The following IFT88 variants were observed in gnomAD, a reference collection of about 807,000 sequenced individuals.
IFT88 encodes intraflagellar transport protein 88 homolog.
In IFT88, 74 loss-of-function variants were observed where a neutral mutation model predicts 119.5. The observed-to-expected ratio is 0.62, with a 90% CI of 0.51 to 0.75. The LOEUF is 0.75. Among genes scored for constraint, IFT88 ranks in the 30% least tolerant of loss-of-function variants. IFT88 has a pLI of 0.00. For missense variants in IFT88, 961 were observed against 977.7 expected, an observed-to-expected ratio of 0.98 and a Z score of 0.23; for synonymous variants, 279 against 316.7, an observed-to-expected ratio of 0.88 and a Z score of 1.26.
chr13:20,672,184 T>G (rs1026239355), intron 24 of IFT88, among the ~76,000 whole-genome samples: 5 of 151,776 alleles, frequency 3.3e-5, no homozygotes, highest in Non-Finnish European at 7.4e-5. Flanking sequence ...ATTCAAGGAG[T>G]CTTCGTCCCA....
At chr13:20,573,319 C>T (rs963843177) in intron 1 of IFT88, among the ~76,000 whole-genome samples, 1 of 151,876 alleles carries the variant, frequency 6.6e-6, no homozygotes, top group African/African-American at 2.4e-5. Flanking sequence ...TCAGCCCACT[C>T]CCTGCCCCAC....
Position 20,614,166 on chromosome 13 carries a change from C to T in IFT88, c.1113-1627C>T, listed in dbSNP as rs572520683. ...GAAATATGTTTTTAAAATTACACGC[C>T]ATGACCAAGTAGGATTAATTCGAAG... On this transcript the variant is annotated intron_variant, in intron 13 of 25. Coordinates refer to ENST00000351808, the MANE Select transcript of IFT88 (RefSeq NM_006531.5). Among the ~76,000 whole-genome samples, 61 of 152,232 alleles carry T rather than the reference C, an allele frequency of 4.0e-4. No homozygotes were observed. In the South Asian group the frequency reaches 0.013, roughly 32 times the overall value.
chr13:20,625,741 C>T lies in IFT88; in HGVS notation c.1200-9C>T. ...AATCAAGTAAGGTTTTTTATGCTTTCCCTTATAGGTGCGTGGAAGTGGTGA... is the reference window on the plus strand; with the variant it reads ...AATCAAGTAAGGTTTTTTATGCTTTTCCTTATAGGTGCGTGGAAGTGGTGA... On this transcript the variant is annotated splice_polypyrimidine_tract_variant and intron_variant, in intron 14 of 25. Transcript: ENST00000351808. 6.4e-7 allele frequency: 1 copy of T among 1,568,388 alleles called. No homozygotes were observed. The highest frequency in any genetic ancestry group is 8.7e-7 in the Non-Finnish European group (1 of 1,154,328).
At chr13:20,613,611 A>G (rs1246148780) in intron 13 of IFT88, among the ~76,000 whole-genome samples, 4 of 152,184 alleles carry the variant, frequency 2.6e-5, no homozygotes, top group Non-Finnish European at 5.9e-5. Flanking sequence ...ATATGTCCAC[A>G]TGACAACTTG....
At chr13:20,665,300 A>G (rs142619897) in intron 23 of IFT88, among the ~76,000 whole-genome samples, 7 of 152,312 alleles carry the variant, frequency 4.6e-5, no homozygotes, top group Non-Finnish European at 8.8e-5. Flanking sequence ...CAAAATTAAT[A>G]TATCATTGGT....
chr13:20,625,675 C>A, intron 14 of IFT88, 75 bp from the exon 15 acceptor site: 4 of 986,280 alleles, frequency 4.1e-6, no homozygotes, highest in Non-Finnish European at 6.1e-6. Context: ...CTTTGAAAAG[C>A]CACATTTAAG....
At chr13:20,642,279 C>G (rs2050068988) in intron 18 of IFT88, 2 of 152,104 alleles carry the variant, frequency 1.3e-5, no homozygotes, top group African/African-American at 2.4e-5. Context: ...GTACTATCTG[C>G]TGTACTTTTG....
chr13:20,608,411 C>A (rs1215000720), intron 13 of IFT88, among the ~76,000 whole-genome samples: 1 of 152,178 alleles, frequency 6.6e-6, no homozygotes, highest in Non-Finnish European at 1.5e-5. Flanking sequence ...AGACTGTCAT[C>A]TGAGGGCCGG....
intron 13 of IFT88, among the ~76,000 whole-genome samples, chr13:20,615,018 T>C (rs1218593385): frequency 6.6e-6 from 1 of 152,132 alleles, no homozygotes; most frequent in Non-Finnish European, 1.5e-5. Flanking sequence ...GGTTTCACCA[T>C]GTTAGCCAGG....
At chr13:20,618,878 T>G (rs941421822) in intron 14 of IFT88, among the ~76,000 whole-genome samples, 18 of 148,678 alleles carry the variant, frequency 1.2e-4, no homozygotes, top group Non-Finnish European at 2.2e-4. Flanking sequence ...TTTTTTGAGA[T>G]GGAGTCTCAC....
intron 16 of IFT88, among the ~76,000 whole-genome samples, chr13:20,637,344 A>G (rs1330354274): frequency 6.6e-6 from 1 of 152,170 alleles, no homozygotes; most frequent in Non-Finnish European, 1.5e-5. Flanking sequence ...TTATGGGAAA[A>G]GGGGCATGGG....
chr13:20,625,700 C>A, intron 14 of IFT88, 50 bp from the exon 15 acceptor site: 4 of 1,268,522 alleles, frequency 3.2e-6, no homozygotes, highest in Non-Finnish European at 4.5e-6. Flanking sequence ...CCAACAGCAT[C>A]AATATACTAA....
chr13:20,634,683 G>A (rs1014280398), intron 16 of IFT88, among the ~76,000 whole-genome samples: 5 of 151,134 alleles, frequency 3.3e-5, no homozygotes, highest in East Asian at 1.9e-4. Flanking sequence ...AGCCAAGATC[G>A]TGCCACTGCA....
Position 20,589,394 on chromosome 13 carries a change from G to A in IFT88, c.154-417G>A, listed in dbSNP as rs538232848. 7.2e-5 allele frequency among the ~76,000 whole-genome samples: 11 copies of A among 152,252 alleles called. No homozygotes were observed. In the East Asian group the frequency reaches 1.2e-3, roughly 16 times the overall value. Reference sequence around the variant, plus strand: ...TTCTTATTTAAAAGATGAGAAAACTGTAGGTTCAAAGAGATTAAATAAAGG... The same window carrying A: ...TTCTTATTTAAAAGATGAGAAAACTATAGGTTCAAAGAGATTAAATAAAGG... On this transcript the variant is annotated intron_variant, in intron 3 of 25. Transcript: ENST00000351808.
At chr13:20,609,397 G>A (rs913428429) in intron 13 of IFT88, among the ~76,000 whole-genome samples, 6 of 152,162 alleles carry the variant, frequency 3.9e-5, no homozygotes. Context: ...ATCATGTTCT[G>A]GGTAAGGAGA....
chr13:20,687,552 G>GT (rs1442833269), intron 24 of IFT88, among the ~76,000 whole-genome samples: 6 of 152,066 alleles, frequency 3.9e-5, no homozygotes, highest in Non-Finnish European at 8.8e-5. Flanking sequence ...TCCTAAGCCT[G>GT]TTTTCTCATC....
chr13:20,663,956 A>G (rs1209582011), intron 23 of IFT88, among the ~76,000 whole-genome samples: 1 of 152,186 alleles, frequency 6.6e-6, no homozygotes, highest in Non-Finnish European at 1.5e-5. Context: ...CTCTGCAACA[A>G]TGGAATCTGT....
chr13:20,631,014 A>G lies in IFT88; in HGVS notation c.1300-2A>G. The G allele has an allele frequency of 1.3e-6, 2 of 1,553,428 alleles. No individual in the cohort carries two copies. The highest frequency in any genetic ancestry group is 1.8e-6 in the Non-Finnish European group (2 of 1,125,070). On this transcript the variant is annotated splice_acceptor_variant, in intron 15 of 25. Coordinates refer to ENST00000351808, the MANE Select transcript of IFT88 (RefSeq NM_006531.5). LOFTEE classifies it high-confidence loss of function. ...AGTAACCTTCAGATATTCCATTTCT[A>G]GGCTGTAGAGATCTTAAAAGTGTTG... is the stretch of plus-strand genomic sequence containing the variant.
chr13:20,676,483 A>C lies in IFT88; in HGVS notation c.2242+5444A>C, dbSNP rs1160291634. 2.0e-5 allele frequency among the ~76,000 whole-genome samples: 3 copies of C among 152,342 alleles called. No homozygotes were observed. The East Asian group carries it at 5.8e-4, about 29-fold the overall frequency. On this transcript the variant is annotated intron_variant, in intron 24 of 25. Coordinates refer to ENST00000351808, the MANE Select transcript of IFT88 (RefSeq NM_006531.5). ...GGCAGGGCCTGGAATACCAGTGTCC[A>C]CTGCACTGCCAGCGCCCATGTTCTC...
Sources: gnomAD v4.1 joint callset for allele counts (sites outside exome capture counted in the v4.1 genomes callset) on GRCh38, gnomAD v4.1.1 for gene constraint, MANE v1.5 for transcripts, NCBI Gene and HGNC (gene_info 2026-07-23, HGNC 2026-07-21) for gene names.